SUCLA2: variants seen among roughly 807,000 people sequenced by gnomAD.
The protein encoded by SUCLA2 is succinate--CoA ligase [ADP-forming] subunit beta, mitochondrial.
In SUCLA2, 30 loss-of-function variants were observed where a neutral mutation model predicts 54.8. The ratio of observed to expected loss-of-function variants is 0.55; its 90% CI spans 0.41 to 0.74. The LOEUF (loss-of-function observed/expected upper bound fraction) is 0.74. Among genes scored for constraint, SUCLA2 ranks in the 30% least tolerant of loss-of-function variants. The pLI, the probability that SUCLA2 is intolerant of heterozygous loss-of-function variation, is 0.00. For missense variants in SUCLA2, 476 were observed against 562.9 expected, an observed-to-expected ratio of 0.85 and a Z score of 1.56; for synonymous variants, 172 against 188.9, an observed-to-expected ratio of 0.91 and a Z score of 0.74.
chr13:47,948,887 C>T, intron 10 of SUCLA2, 53 bp downstream of exon 10: 1 of 1,518,712 alleles, frequency 6.6e-7, no homozygotes, highest in Non-Finnish European at 9.1e-7. Context: ...TAATTAGGTT[C>T]ATTTTAGAAT....
At chr13:47,999,286 T>C (rs1593507082) in intron 1 of SUCLA2, among the ~76,000 whole-genome samples, 1 of 152,238 alleles carries the variant, frequency 6.6e-6, no homozygotes, top group Non-Finnish European at 1.5e-5. Flanking sequence ...TTCCTAAGTA[T>C]GATCACTGCG....
chr13:47,965,503 A>C (rs1336456691), intron 6 of SUCLA2: 1 of 384,218 alleles, frequency 2.6e-6, no homozygotes, highest in African/African-American at 2.2e-5. Context: ...TTAAAAAAAA[A>C]AAAACAAACA....
chr13:47,987,718 A>G (rs1236085790), intron 4 of SUCLA2: 2 of 152,160 alleles, frequency 1.3e-5, no homozygotes, highest in Non-Finnish European at 2.9e-5. Context: ...GTTGTTCTAC[A>G]TAAGAAAATT....
At chr13:47,981,028 T>C (rs542582495) in intron 4 of SUCLA2, among the ~76,000 whole-genome samples, 3 of 152,250 alleles carry the variant, frequency 2.0e-5, no homozygotes, top group South Asian at 4.1e-4. Context: ...GTTTATGACA[T>C]TGGATTTAGC....
At chr13:47,944,062 A>C (rs1001455315) in intron 10 of SUCLA2, among the ~76,000 whole-genome samples, 2 of 152,108 alleles carry the variant, frequency 1.3e-5, no homozygotes, top group African/African-American at 4.8e-5. Flanking sequence ...AGACCAAAAA[A>C]ACAAACTCAG....
intron 8 of SUCLA2, among the ~76,000 whole-genome samples, chr13:47,951,705 T>C (rs898973826): frequency 2.6e-5 from 4 of 152,152 alleles, no homozygotes; most frequent in Non-Finnish European, 4.4e-5. Flanking sequence ...ACTTTTAGCA[T>C]ACAACCTTCC....
chr13:47,956,037 T>A (rs1949818226), intron 6 of SUCLA2, among the ~76,000 whole-genome samples: 1 of 152,098 alleles, frequency 6.6e-6, no homozygotes, highest in Admixed American at 6.5e-5. Context: ...TCAAACTTAC[T>A]AGATCCGTAA....
chr13:47,981,280 A>G (rs1220390676), intron 4 of SUCLA2, among the ~76,000 whole-genome samples: 1 of 152,218 alleles, frequency 6.6e-6, no homozygotes, highest in African/African-American at 2.4e-5. Context: ...AACCCAAACA[A>G]AAAAATTTAA....
intron 4 of SUCLA2, among the ~76,000 whole-genome samples, chr13:47,981,310 A>G (rs978892143): frequency 6.6e-6 from 1 of 152,256 alleles, no homozygotes; most frequent in Non-Finnish European, 1.5e-5. Context: ...AAGGACTTAA[A>G]TAGACATTTC....
At chr13:47,971,035 CA>C (rs1457265256) in intron 5 of SUCLA2, among the ~76,000 whole-genome samples, 3 of 147,434 alleles carry the variant, frequency 2.0e-5, no homozygotes, top group Non-Finnish European at 4.5e-5. Flanking sequence ...GACTCCGTCT[CA>C]AAAAAAAACT....
chr13:47,990,594 A>T (rs1207782745), intron 2 of SUCLA2, among the ~76,000 whole-genome samples: 1 of 152,194 alleles, frequency 6.6e-6, no homozygotes, highest in African/African-American at 2.4e-5. Context: ...TTATGGCAAA[A>T]TAACCTTTGA....
In SUCLA2 at chr13:47,978,762, CTATACATCTGACAAAAGGCTAA is replaced by C. The variant is rs1950037695; in HGVS notation, c.535-5392_535-5371del. ...CAGAATGGGAGAAAATTTTTGCAAT[CTATACATCTGACAAAAGGCTAA>C]TATCCAGAATCTACAAGGAACTTAA... On this transcript the variant is annotated intron_variant, in intron 4 of 10. Transcript: ENST00000646932. Among the ~76,000 whole-genome samples, 2 of 152,036 alleles carry C rather than the reference CTATACATCTGACAAAAGGCTAA, an allele frequency of 1.3e-5. 1 individual carries two copies. Among genetic ancestry groups the C allele is most frequent in the South Asian group, 4.1e-4 (2 of 4,820 alleles).
intron 4 of SUCLA2, among the ~76,000 whole-genome samples, chr13:47,981,921 G>A (rs2137733615): frequency 6.6e-6 from 1 of 152,284 alleles, no homozygotes; most frequent in South Asian, 2.1e-4. Context: ...GGAGACTGGG[G>A]TTGCAGTGAG....
intron 10 of SUCLA2, among the ~76,000 whole-genome samples, chr13:47,943,796 T>C (rs569021312): frequency 7.4e-6 from 1 of 134,842 alleles, no homozygotes; most frequent in Non-Finnish European, 1.5e-5. Flanking sequence ...CTAAATTTTA[T>C]CTTAAAGACA....
intron 10 of SUCLA2, chr13:47,945,643 G>GACACACACACACACACACACACAC (rs773399228): frequency 1.2e-4 from 13 of 111,484 alleles, no homozygotes; most frequent in African/African-American, 3.8e-4. Flanking sequence ...GGAAAAGGGA[G>GACACACACACACACACACACACAC]ACACACACAC....
chr13:47,997,267 CAT>C lies in SUCLA2; in HGVS notation c.91-246_91-245del, dbSNP rs34576990. The stretch of plus-strand genomic sequence containing the variant: ...TTATTTCAGATTTCAGCTTTACTAT[CAT>C]ATCTCCAATGATCTACAGGGCAGTT... On this transcript the variant is annotated intron_variant, in intron 1 of 10. Transcript: ENST00000646932. 0.1 allele frequency among the ~76,000 whole-genome samples: 15,809 copies of C among 152,140 alleles called. 903 individuals are homozygous for C. Among genetic ancestry groups the C allele is most frequent in the South Asian group, 0.18 (872 of 4,828 alleles).
chr13:47,971,015 G>A (rs868208305), intron 5 of SUCLA2, among the ~76,000 whole-genome samples: 22 of 151,410 alleles, frequency 1.5e-4, no homozygotes, highest in African/African-American at 4.1e-4. Context: ...CAGCCTGGGC[G>A]ACAGAGCGAG....
intron 8 of SUCLA2, 78 bp from the exon 9 acceptor site, chr13:47,949,681 G>T: frequency 7.1e-7 from 1 of 1,409,370 alleles, no homozygotes; most frequent in Non-Finnish European, 1.0e-6. Flanking sequence ...TAGTATATGT[G>T]CTTCATGATA....
At chr13:47,983,614 G>A (rs894003450) in intron 4 of SUCLA2, among the ~76,000 whole-genome samples, 5 of 151,296 alleles carry the variant, frequency 3.3e-5, no homozygotes, top group East Asian at 3.9e-4. Context: ...CTCAGCCTCC[G>A]GAGTAGCTGG....
Sources: gnomAD v4.1 joint callset for allele counts (sites outside exome capture counted in the v4.1 genomes callset) on GRCh38, gnomAD v4.1.1 for gene constraint, MANE v1.5 for transcripts, NCBI Gene and HGNC (gene_info 2026-07-23, HGNC 2026-07-21) for gene names.